Variants in ANKRD52 observed in about 807,000 individuals in gnomAD.
ANKRD52 encodes the protein ankyrin repeat domain 52, also known as serine/threonine-protein phosphatase 6 regulatory ankyrin repeat subunit C.
In ANKRD52, 7 loss-of-function variants were observed where a neutral mutation model predicts 116.0. The ratio of observed to expected loss-of-function variants is 0.06; its 90% CI spans 0.03 to 0.11. The LOEUF (loss-of-function observed/expected upper bound fraction) is 0.11. Among genes scored for constraint, ANKRD52 ranks in the 10% least tolerant of loss-of-function variants. ANKRD52 has a pLI of 1.00. For missense variants in ANKRD52, 839 were observed against 1,408.6 expected (o/e 0.60, Z 6.47); for synonymous variants, 528 against 578.1 (o/e 0.91, Z 1.24).
In ANKRD52 at chr12:56,240,811, C is replaced by G. The variant is rs1489644319; in HGVS notation, c.*2331G>C. The G allele has an allele frequency of 1.4e-4, 22 of 152,246 alleles. No homozygotes were observed. Among genetic ancestry groups the G allele is most frequent in the Admixed American group, 1.4e-3 (22 of 15,282 alleles). 9.4% of individuals were successfully genotyped at this position (152,246 alleles called of 1,614,324 possible). A position where few individuals can be genotyped will look rare whatever the true frequency, so the allele number is the denominator to read the frequency against. Reference sequence around the variant, plus strand: ...ACTGCTGACAGTGCGCTGAGGGCAGCAGGGCGCAGACAGCCCCCAGAAATC... The same window carrying G: ...ACTGCTGACAGTGCGCTGAGGGCAGGAGGGCGCAGACAGCCCCCAGAAATC... On this transcript the variant is annotated 3_prime_UTR_variant, in exon 28 of 28. Coordinates refer to ENST00000267116, the MANE Select transcript of ANKRD52 (RefSeq NM_173595.4). The surrounding 1 kb of genome is among the most constrained non-coding windows in gnomAD (Gnocchi z 4.2).
At chr12:56,245,676 G>T in intron 20 of ANKRD52, 80 bp from the exon 21 acceptor site, 106 of 972,386 alleles carry the variant, frequency 1.1e-4, no homozygotes, top group Middle Eastern at 2.4e-4. Flanking sequence ...TGGCTCAGGA[G>T]TAAGAACCAC....
Position 56,243,777 on chromosome 12 carries a change from C to G in ANKRD52, c.2980+8G>C, listed in dbSNP as rs1871272109. ...CAAGAGAGGCATGGGGCCCCAGACC[C>G]CACCCACCTTCTTCATCCACAGCCA... On this transcript the variant is annotated splice_region_variant and intron_variant, in intron 27 of 27. Coordinates refer to ENST00000267116, the MANE Select transcript of ANKRD52 (RefSeq NM_173595.4). This position sits in a 1 kb window ranked among gnomAD's most constrained non-coding sequence, Gnocchi z 4.6. The G allele has an allele frequency of 6.4e-7, 1 of 1,553,714 alleles. No homozygotes were observed. The highest frequency in any genetic ancestry group is 8.7e-7 in the Non-Finnish European group (1 of 1,148,114).
Position 56,253,618 on chromosome 12 carries a change from A to T in ANKRD52, c.985+104T>A. ...GGTCAGAGTTCCAAGGGCCTATCCT[A>T]CTGGAAGAGGGCAGGAGAAGGAAGT... On this transcript the variant is annotated intron_variant, in intron 9 of 27. Transcript: ENST00000267116. The surrounding 1 kb of genome is among the most constrained non-coding windows in gnomAD (Gnocchi z 5.5). The T allele has an allele frequency of 7.8e-7, 1 of 1,286,798 alleles. No individual in the cohort carries two copies. Among genetic ancestry groups the T allele is most frequent in the Non-Finnish European group, 1.1e-6 (1 of 907,664 alleles). The allele number at this position is 1,286,798 out of a possible 1,614,324, so 79.7% of individuals were successfully genotyped here. A position where few individuals can be genotyped will look rare whatever the true frequency, so the allele number is the denominator to read the frequency against.
chr12:56,253,312 A>G lies in ANKRD52; in HGVS notation c.1076T>C (p.Met359Thr). The G allele has an allele frequency of 6.2e-7, 1 of 1,613,900 alleles. No homozygotes were observed. The highest frequency in any genetic ancestry group is 8.5e-7 in the Non-Finnish European group (1 of 1,179,874). The change falls in exon 10 of 28, where the codon ATG (methionine) becomes ACG (threonine). Residue 359 changes from methionine (M) to threonine (T), a missense_variant. Coordinates refer to ENST00000267116, the MANE Select transcript of ANKRD52 (RefSeq NM_173595.4). The surrounding 1 kb of genome is among the most constrained non-coding windows in gnomAD (Gnocchi z 5.5). ...YGHELLISTL[M>T]TNGADTARRG... is the part of the protein sequence containing the mutation. The stretch of plus-strand genomic sequence containing the variant: ...CCGGGCGGTATCTGCGCCATTGGTC[A>G]TGAGGGTGCTGATGAGCAGCTCGTG...
intron 15 of ANKRD52, among the ~76,000 whole-genome samples, chr12:56,250,031 G>A (rs775090687): frequency 6.6e-6 from 1 of 150,402 alleles, no homozygotes; most frequent in Non-Finnish European, 1.5e-5. Flanking sequence ...AGTGAGACTC[G>A]GTCTTCAAAA....
intron 4 of ANKRD52, among the ~76,000 whole-genome samples, chr12:56,256,510 C>G (rs1383690965): frequency 6.6e-6 from 1 of 152,244 alleles, no homozygotes; most frequent in East Asian, 1.9e-4. Flanking sequence ...GGCCCCTCCC[C>G]CTGGTGGCTG....
chr12:56,254,117 C>T lies in ANKRD52; in HGVS notation c.856G>A (p.Ala286Thr), dbSNP rs1871829242. Residue 286 changes from alanine (A) to threonine (T), a missense_variant, in exon 8 of 28, where the codon GCT (alanine) becomes ACT (threonine). By Grantham distance (58) the Ala-to-Thr change is moderately conservative. Coordinates refer to ENST00000267116, the MANE Select transcript of ANKRD52 (RefSeq NM_173595.4). This position sits in a 1 kb window ranked among gnomAD's most constrained non-coding sequence, Gnocchi z 4.6. ...LHVAAVSTNGALCLELLVNNG... is the reference protein window; with the variant it reads ...LHVAAVSTNGTLCLELLVNNG... ...TTAACCAGTAGCTCCAAGCAGAGAG[C>T]GCCATTGGTGGAGACTGCAGCCACA... 6.2e-7 allele frequency: 1 copy of T among 1,613,680 alleles called. No homozygotes were observed. Among genetic ancestry groups the T allele is most frequent in the Non-Finnish European group, 8.5e-7 (1 of 1,179,806 alleles).
Position 56,237,969 on chromosome 12 carries a change from C to T in ANKRD52, c.*5173G>A. 2.7e-6 allele frequency: 1 copy of T among 373,018 alleles called. No homozygotes were observed. The highest frequency in any genetic ancestry group is 4.3e-5 in the East Asian group (1 of 23,204). The allele number at this position is 373,018 out of a possible 1,614,324, so 23.1% of individuals were successfully genotyped here. The stretch of plus-strand genomic sequence containing the variant: ...GCCTGGAGGGTGCAGGGTCATTAAT[C>T]TGCGGGGAGAACATTGTGCTTTAGC... On this transcript the variant is annotated 3_prime_UTR_variant, in exon 28 of 28. Transcript: ENST00000267116.
Position 56,243,126 on chromosome 12 carries a change from G to A in ANKRD52, c.*16C>T, listed in dbSNP as rs1346851474. 7 of 1,571,898 alleles carry A rather than the reference G, an allele frequency of 4.5e-6. No homozygotes were observed. Among genetic ancestry groups the A allele is most frequent in the Non-Finnish European group, 8.6e-7 (1 of 1,157,316 alleles). On this transcript the variant is annotated 3_prime_UTR_variant, in exon 28 of 28. Transcript: ENST00000267116. This position sits in a 1 kb window ranked among gnomAD's most constrained non-coding sequence, Gnocchi z 4.6. ...TAGATATCAAGCCACCGGCGGGGGA[G>A]GGACACTGGAGGGGGCTACTCAGAG...
rs1871912015 is a variant in ANKRD52 at position 56,255,591 on chromosome 12, T to C, written c.462+193A>G. 6.6e-6 allele frequency among the ~76,000 whole-genome samples: 1 copy of C among 152,268 alleles called. No individual in the cohort carries two copies. Among genetic ancestry groups the C allele is most frequent in the African/African-American group, 2.4e-5 (1 of 41,472 alleles). ...ATTTTCCACGCAAAATCCAAGGTTT[T>C]ATCAACCTCCTGAAGTCCAAGTTAA... is the stretch of plus-strand genomic sequence containing the variant. On this transcript the variant is annotated intron_variant, in intron 5 of 27. Coordinates refer to ENST00000267116, the MANE Select transcript of ANKRD52 (RefSeq NM_173595.4). This position sits in a 1 kb window ranked among gnomAD's most constrained non-coding sequence, Gnocchi z 4.3.
Position 56,258,286 on chromosome 12 carries a change from C to T in ANKRD52, c.-17G>A, listed in dbSNP as rs1178135268. 1.3e-6 allele frequency: 2 copies of T among 1,561,026 alleles called. No individual in the cohort carries two copies. The highest frequency in any genetic ancestry group is 1.7e-6 in the Non-Finnish European group (2 of 1,157,366). ...GATCCCCATGGCTCGGCCCGGGCTC[C>T]GTCCGCATCGAGCTCCCGGCGGCGG... On this transcript the variant is annotated 5_prime_UTR_variant, in exon 1 of 28. Coordinates refer to ENST00000267116, the MANE Select transcript of ANKRD52 (RefSeq NM_173595.4).
chr12:56,255,575 G>A lies in ANKRD52; in HGVS notation c.462+209C>T, dbSNP rs541065594. On this transcript the variant is annotated intron_variant, in intron 5 of 27. Transcript: ENST00000267116. The surrounding 1 kb of genome is among the most constrained non-coding windows in gnomAD (Gnocchi z 4.3). ...AGGCGTGTATGCAAATATTTTCCAC[G>A]CAAAATCCAAGGTTTTATCAACCTC... Among the ~76,000 whole-genome samples, 5 of 152,328 alleles carry A rather than the reference G, an allele frequency of 3.3e-5. No individual in the cohort carries two copies. Among genetic ancestry groups the A allele is most frequent in the South Asian group, 2.1e-4 (1 of 4,830 alleles).
In ANKRD52 at chr12:56,258,328, G is replaced by A; in HGVS notation, c.-59C>T. The A allele has an allele frequency of 6.6e-7, 1 of 1,505,596 alleles. No homozygotes were observed. Among genetic ancestry groups the A allele is most frequent in the Non-Finnish European group, 8.9e-7 (1 of 1,127,490 alleles). The allele number at this position is 1,505,596 out of a possible 1,614,324, so 93.3% of individuals were successfully genotyped here. A position where few individuals can be genotyped will look rare whatever the true frequency, so the allele number is the denominator to read the frequency against. On this transcript the variant is annotated 5_prime_UTR_variant, in exon 1 of 28. Coordinates refer to ENST00000267116, the MANE Select transcript of ANKRD52 (RefSeq NM_173595.4). ...CGGCGGCGGCGGCGGCGGCTCCACC[G>A]GGGACACGGAGCGGCCCAGGCGGCG...
Position 56,244,701 on chromosome 12 carries a change from G to T in ANKRD52, c.2673C>A (p.Gly891=). The T allele has an allele frequency of 6.2e-7, 1 of 1,613,960 alleles. No individual in the cohort carries two copies. Among genetic ancestry groups the T allele is most frequent in the Non-Finnish European group, 8.5e-7 (1 of 1,179,898 alleles). ...QAEVNATDHT[G]RTALMTAAEN... is the part of the protein sequence containing the mutation. Reference sequence around the variant, plus strand: ...CAGCCGCCGTCATGAGCGCAGTGCGGCCAGTGTGGTCAGTGGCGTTCACCT... The same window carrying T: ...CAGCCGCCGTCATGAGCGCAGTGCGTCCAGTGTGGTCAGTGGCGTTCACCT... The change falls in exon 24 of 28, where the codon GGC becomes GGA. Residue 891 remains glycine, a synonymous_variant. Coordinates refer to ENST00000267116, the MANE Select transcript of ANKRD52 (RefSeq NM_173595.4). This position sits in a 1 kb window ranked among gnomAD's most constrained non-coding sequence, Gnocchi z 4.9.
At position 56,237,835 on chromosome 12, in the gene ANKRD52, A is replaced by C; in HGVS notation, c.*5307T>G. ...GAGCAATAGGATTTTAATAAACAGA[A>C]CCCATCCCAAAGCCATGACTACGAC... is the stretch of plus-strand genomic sequence containing the variant. On this transcript the variant is annotated 3_prime_UTR_variant, in exon 28 of 28. Transcript: ENST00000267116. 7.6e-7 allele frequency: 1 copy of C among 1,318,608 alleles called. No homozygotes were observed. The highest frequency in any genetic ancestry group is 1.0e-6 in the Non-Finnish European group (1 of 991,876). The allele number at this position is 1,318,608 out of a possible 1,614,324, so 81.7% of individuals were successfully genotyped here.
intron 15 of ANKRD52, among the ~76,000 whole-genome samples, chr12:56,249,628 G>C (rs1009363563): frequency 3.9e-5 from 6 of 152,226 alleles, no homozygotes; most frequent in Non-Finnish European, 2.9e-5. Context: ...CAGGGGCCTG[G>C]CTCGGTTGCT....
Position 56,247,530 on chromosome 12 carries a change from G to C in ANKRD52, c.2147C>G (p.Ala716Gly). 1 of 1,593,956 alleles carries C rather than the reference G, an allele frequency of 6.3e-7. No individual in the cohort carries two copies. Among genetic ancestry groups the C allele is most frequent in the Non-Finnish European group, 8.5e-7 (1 of 1,169,760 alleles). Residue 716 changes from alanine to glycine, a missense_variant, in exon 20 of 28, where the codon GCT becomes GGT. Ala to Gly is a moderately conservative substitution (Grantham distance 60). Around this residue, in one of 2 missense-constraint regions of ANKRD52, gnomAD observed 552 missense variants for 810.6 expected, o/e 0.68. Coordinates refer to ENST00000267116, the MANE Select transcript of ANKRD52 (RefSeq NM_173595.4). ...LLLEKGSTAD[A>G]ADLRGRTALH... ...GGCAGTGCGGCCCCGGAGGTCAGCA[G>C]CATCAGCTGTGGATCCTTTCTCTAG...
chr12:56,244,495 C>T lies in ANKRD52; in HGVS notation c.2723-60G>A, dbSNP rs1871305190. 1 of 1,601,876 alleles carries T rather than the reference C, an allele frequency of 6.2e-7. No homozygotes were observed. Among genetic ancestry groups the T allele is most frequent in the Non-Finnish European group, 8.5e-7 (1 of 1,170,968 alleles). On this transcript the variant is annotated intron_variant, in intron 24 of 27. Transcript: ENST00000267116. The surrounding 1 kb of genome is among the most constrained non-coding windows in gnomAD (Gnocchi z 4.9). ...CCCTCCAGAGCAGTAGCCATCCTGG[C>T]TCTCCACTTTGCATCCCGTCTGCAG...
Position 56,253,699 on chromosome 12 carries a change from C to T in ANKRD52, c.985+23G>A. 1.2e-6 allele frequency: 2 copies of T among 1,610,466 alleles called. No individual in the cohort carries two copies. Among genetic ancestry groups the T allele is most frequent in the Non-Finnish European group, 1.7e-6 (2 of 1,177,152 alleles). On this transcript the variant is annotated intron_variant, in intron 9 of 27. Coordinates refer to ENST00000267116, the MANE Select transcript of ANKRD52 (RefSeq NM_173595.4). This position sits in a 1 kb window ranked among gnomAD's most constrained non-coding sequence, Gnocchi z 5.5. ...TCCTTGGGGGAGGAGGGGATGAGAGCACAAAGTCTCCCAGGTCCATACCAT... is the reference window on the plus strand; with the variant it reads ...TCCTTGGGGGAGGAGGGGATGAGAGTACAAAGTCTCCCAGGTCCATACCAT...
Sources: gnomAD v4.1 joint callset for allele counts (sites outside exome capture counted in the v4.1 genomes callset) on GRCh38, gnomAD v4.1.1 for gene constraint, gnomAD v4.1.1 regional missense constraint, Gnocchi (gnomAD v3.1) non-coding constraint, MANE v1.5 for transcripts, NCBI Gene and HGNC (gene_info 2026-07-23, HGNC 2026-07-21) for gene names.